Variants in PIP4K2A observed in about 807,000 individuals in gnomAD.
PIP4K2A encodes phosphatidylinositol-5-phosphate 4-kinase type 2 alpha.
PIP4K2A carries 14 observed loss-of-function variants against 42.9 expected under a neutral mutation model. The observed-to-expected ratio is 0.33, with a 90% CI of 0.22 to 0.51. The LOEUF (loss-of-function observed/expected upper bound fraction) is 0.51. PIP4K2A is among the 20% of genes least tolerant of loss of function. The pLI is 0.97. For missense variants in PIP4K2A, 434 were observed against 519.8 expected (o/e 0.83, Z 1.61); for synonymous variants, 192 against 192.2 (o/e 1.00, Z 0.01).
chr10:22,598,317 C>T (rs1837678300), intron 3 of PIP4K2A, among the ~76,000 whole-genome samples: 1 of 152,122 alleles, frequency 6.6e-6, no homozygotes, highest in Non-Finnish European at 1.5e-5. Flanking sequence ...ATGATTGTAC[C>T]ACTGCACTCC....
At chr10:22,622,115 A>G (rs1356734509) in intron 1 of PIP4K2A, among the ~76,000 whole-genome samples, 2 of 152,246 alleles carry the variant, frequency 1.3e-5, no homozygotes, top group Non-Finnish European at 2.9e-5. Flanking sequence ...CAAACATGAC[A>G]AGAACATTGG....
intron 6 of PIP4K2A, among the ~76,000 whole-genome samples, chr10:22,558,047 G>GA (rs1836596160): frequency 6.6e-6 from 1 of 152,156 alleles, no homozygotes; most frequent in African/African-American, 2.4e-5. Context: ...ATGCTCATTT[G>GA]GCAACCTATT....
intron 3 of PIP4K2A, among the ~76,000 whole-genome samples, chr10:22,599,025 C>A (rs150009141): frequency 6.6e-6 from 1 of 150,604 alleles, no homozygotes; most frequent in East Asian, 1.9e-4. Context: ...AAAAAAACAA[C>A]AACAGCCAAA....
At chr10:22,581,416 G>T (rs1178562059) in intron 4 of PIP4K2A, among the ~76,000 whole-genome samples, 1 of 151,706 alleles carries the variant, frequency 6.6e-6, no homozygotes, top group African/African-American at 2.4e-5. Flanking sequence ...TTATTCTTTG[G>T]GGTCAGCTTT....
At chr10:22,593,552 C>A (rs1352641683) in intron 3 of PIP4K2A, among the ~76,000 whole-genome samples, 1 of 152,216 alleles carries the variant, frequency 6.6e-6, no homozygotes, top group Non-Finnish European at 1.5e-5. Context: ...CTTTATACTA[C>A]TTCCCACTTA....
chr10:22,544,999 G>A (rs774931995), intron 7 of PIP4K2A, among the ~76,000 whole-genome samples: 9 of 152,304 alleles, frequency 5.9e-5, no homozygotes, highest in African/African-American at 9.6e-5. Flanking sequence ...GTATTTGAGC[G>A]ACTTCTCTCT....
chr10:22,665,215 C>T (rs186180528), intron 1 of PIP4K2A, among the ~76,000 whole-genome samples: 4 of 152,224 alleles, frequency 2.6e-5, no homozygotes, highest in Non-Finnish European at 5.9e-5. Context: ...AGCCAAGGTG[C>T]GCAGCTTGGT....
At chr10:22,548,176 G>A (rs1288309821) in intron 7 of PIP4K2A, among the ~76,000 whole-genome samples, 1 of 152,144 alleles carries the variant, frequency 6.6e-6, no homozygotes. Context: ...ATTTAATGAT[G>A]GTTCTGCATA....
chr10:22,615,076 ATAAC>A (rs1838144085), intron 1 of PIP4K2A, among the ~76,000 whole-genome samples: 1 of 152,204 alleles, frequency 6.6e-6, no homozygotes, highest in African/African-American at 2.4e-5. Flanking sequence ...CCTAAAATTG[ATAAC>A]TAACAGTGGT....
rs552101946 is a variant in PIP4K2A, at chr10:22,553,892, T to A, written c.679-3120A>T. The stretch of plus-strand genomic sequence containing the variant: ...GGCTCACACCTGCAATCTCAGCACT[T>A]TGGGACTCTGAGACAGGAGGTTCAC... On this transcript the variant is annotated intron_variant, in intron 6 of 9. Coordinates refer to ENST00000376573, the MANE Select transcript of PIP4K2A (RefSeq NM_005028.5). 1.4e-3 allele frequency among the ~76,000 whole-genome samples: 216 copies of A among 151,392 alleles called. 1 individual carries two copies. The highest frequency in any genetic ancestry group is 4.9e-3 in the African/African-American group (202 of 41,228).
At chr10:22,693,819 A>C (rs552815638) in intron 1 of PIP4K2A, 1 of 150,388 alleles carries the variant, frequency 6.6e-6, no homozygotes, top group East Asian at 2.0e-4. Context: ...AGGGATTAGG[A>C]AAAAAAAAAT....
Position 22,569,910 on chromosome 10 carries a change from C to T in PIP4K2A, c.640-2021G>A, listed in dbSNP as rs150604068. On this transcript the variant is annotated intron_variant, in intron 5 of 9. Transcript: ENST00000376573. ...GTACAGGTTCCATCACAACTGAGAG[C>T]ACTGGCAAGAACAGAGTTTATCTAT... Among the ~76,000 whole-genome samples, 100 of 152,136 alleles carry T rather than the reference C, an allele frequency of 6.6e-4. No homozygotes were observed. In the East Asian group the frequency reaches 0.015, roughly 23 times the overall value.
intron 1 of PIP4K2A, among the ~76,000 whole-genome samples, chr10:22,632,649 C>G (rs1337963606): frequency 6.6e-6 from 1 of 152,202 alleles, no homozygotes; most frequent in Admixed American, 6.5e-5. Flanking sequence ...CAGGCACACT[C>G]ATATCCCTGG....
At chr10:22,567,425 A>G in intron 6 of PIP4K2A, 1 of 367,174 alleles carries the variant, frequency 2.7e-6, no homozygotes, top group Non-Finnish European at 5.3e-6. Flanking sequence ...AACATACTAC[A>G]GGTGAGAAAG....
intron 1 of PIP4K2A, among the ~76,000 whole-genome samples, chr10:22,705,794 G>C (rs1236240013): frequency 6.6e-6 from 1 of 151,876 alleles, no homozygotes; most frequent in East Asian, 1.9e-4. Flanking sequence ...TTTGCCCGCT[G>C]TCGGACCCTC....
chr10:22,712,913 G>GGTGTGTGTGTGTGTGTGT (rs35439666), intron 1 of PIP4K2A, among the ~76,000 whole-genome samples: 1 of 147,502 alleles, frequency 6.8e-6, no homozygotes, highest in African/African-American at 2.5e-5. Context: ...CTACATTGAG[G>GGTGTGTGTGTGTGTGTGT]GTGTGTGTGT....
At chr10:22,584,063 A>T (rs1264004762) in intron 4 of PIP4K2A, among the ~76,000 whole-genome samples, 1 of 152,184 alleles carries the variant, frequency 6.6e-6, no homozygotes, top group East Asian at 1.9e-4. Context: ...TCTTGACCCC[A>T]AACTGTGTCA....
At chr10:22,707,741 T>C (rs1376330244) in intron 1 of PIP4K2A, among the ~76,000 whole-genome samples, 1 of 152,104 alleles carries the variant, frequency 6.6e-6, no homozygotes, top group Non-Finnish European at 1.5e-5. Context: ...CAAGAATTCT[T>C]CCTGGCTGCT....
intron 1 of PIP4K2A, among the ~76,000 whole-genome samples, chr10:22,687,187 A>G (rs1243886250): frequency 6.6e-6 from 1 of 152,068 alleles, no homozygotes; most frequent in African/African-American, 2.4e-5. Flanking sequence ...ACCTCAGATG[A>G]AAGAGAAACC....
Sources: gnomAD v4.1 joint callset for allele counts (sites outside exome capture counted in the v4.1 genomes callset) on GRCh38, gnomAD v4.1.1 for gene constraint, MANE v1.5 for transcripts, NCBI Gene and HGNC (gene_info 2026-07-23, HGNC 2026-07-21) for gene names.